CMKLR1: variants seen among roughly 807,000 people sequenced by gnomAD.
The protein encoded by CMKLR1 is chemerin chemokine-like receptor 1, also known as chemerin-like receptor 1.
Under a neutral mutation model 8.2 loss-of-function variants are expected in CMKLR1, and 6 were observed. The ratio of observed to expected loss-of-function variants is 0.73; its 90% CI spans 0.40 to 1.44. The LOEUF (loss-of-function observed/expected upper bound fraction) is 1.44, where lower values mean the gene tolerates loss of function less well. CMKLR1 is among the 40% of genes most tolerant of loss of function. CMKLR1 has a pLI of 0.02. For missense variants in CMKLR1, 429 were observed against 478.0 expected (o/e 0.90, Z 0.96); for synonymous variants, 178 against 181.2 (o/e 0.98, Z 0.14).
At chr12:108,337,256 A>G (rs553668489) in intron 1 of CMKLR1, among the ~76,000 whole-genome samples, 47 of 152,338 alleles carry the variant, frequency 3.1e-4, no homozygotes, top group African/African-American at 1.1e-3. Flanking sequence ...TCATGTGGCC[A>G]TGGTGAGGAT....
chr12:108,304,482 G>T (rs1891355701), intron 2 of CMKLR1, among the ~76,000 whole-genome samples: 1 of 152,096 alleles, frequency 6.6e-6, no homozygotes, highest in Non-Finnish European at 1.5e-5. Context: ...CTCCTTTTCT[G>T]CCCTGGTCTC....
At position 108,302,337 on chromosome 12, in the gene CMKLR1, T is replaced by C. The variant is rs142272469; in HGVS notation, c.-73-8673A>G. On this transcript the variant is annotated intron_variant, in intron 2 of 3. Coordinates refer to ENST00000550402, the MANE Select transcript of CMKLR1 (RefSeq NM_001142343.2). ...GGCTCCTGAGTGAATATCCAGGCAG[T>C]GCCCCACCTCCCTGCAAGGAAACAC... Among the ~76,000 whole-genome samples the C allele has an allele frequency of 7.9e-4, 121 of 152,340 alleles. 2 individuals are homozygous for C. The highest frequency in any genetic ancestry group is 6.1e-3 in the Admixed American group (93 of 15,308).
chr12:108,311,951 T>C (rs1356559769), intron 2 of CMKLR1, among the ~76,000 whole-genome samples: 1 of 152,218 alleles, frequency 6.6e-6, no homozygotes, highest in Non-Finnish European at 1.5e-5. Context: ...GCCTCTGCTC[T>C]TGCAGGTCCC....
At chr12:108,334,929 C>T (rs1892186684) in intron 1 of CMKLR1, among the ~76,000 whole-genome samples, 1 of 152,134 alleles carries the variant, frequency 6.6e-6, no homozygotes, top group Non-Finnish European at 1.5e-5. Flanking sequence ...TTCTTATTTC[C>T]TTTTTCCAGG....
At chr12:108,308,025 G>A (rs536390654) in intron 2 of CMKLR1, among the ~76,000 whole-genome samples, 4 of 152,336 alleles carry the variant, frequency 2.6e-5, no homozygotes, top group East Asian at 1.9e-4. Flanking sequence ...TGAAGTGACC[G>A]AGTGAGCACG....
chr12:108,333,140 GTT>G (rs916804927), intron 1 of CMKLR1, among the ~76,000 whole-genome samples: 6 of 152,116 alleles, frequency 3.9e-5, no homozygotes, highest in Admixed American at 6.5e-5. Context: ...GCTCACTGTT[GTT>G]TTTTGTACCC....
intron 2 of CMKLR1, among the ~76,000 whole-genome samples, chr12:108,327,610 T>C (rs1892008430): frequency 6.6e-6 from 1 of 152,124 alleles, no homozygotes. Flanking sequence ...ATCTGATGAG[T>C]GTCTGTGAAG....
chr12:108,330,928 G>A (rs374728604), intron 1 of CMKLR1, among the ~76,000 whole-genome samples: 8 of 152,112 alleles, frequency 5.3e-5, no homozygotes, highest in African/African-American at 1.9e-4. Flanking sequence ...CACAAGGCTG[G>A]CTGGGCAGCT....
chr12:108,305,326 A>G (rs899997870), intron 2 of CMKLR1, among the ~76,000 whole-genome samples: 2 of 152,192 alleles, frequency 1.3e-5, no homozygotes, highest in African/African-American at 4.8e-5. Context: ...GCCTTTAAGC[A>G]TCAGCTCGGG....
chr12:108,313,208 A>T (rs11113810), intron 2 of CMKLR1, among the ~76,000 whole-genome samples: 2 of 152,052 alleles, frequency 1.3e-5, no homozygotes, highest in Non-Finnish European at 2.9e-5. Context: ...CACCTCTCCC[A>T]AGGCAAAGCC....
intron 2 of CMKLR1, among the ~76,000 whole-genome samples, chr12:108,310,140 G>T (rs1891512397): frequency 6.6e-6 from 1 of 150,686 alleles, no homozygotes; most frequent in African/African-American, 2.5e-5. Flanking sequence ...AGGAACAGAG[G>T]CTTGAAAAAG....
intron 2 of CMKLR1, among the ~76,000 whole-genome samples, chr12:108,329,673 C>A (rs1892058967): frequency 1.3e-5 from 2 of 152,132 alleles, no homozygotes; most frequent in Non-Finnish European, 2.9e-5. Context: ...CCCAAGCAAC[C>A]AACATTAAAG....
chr12:108,294,129 T>C (rs1891064152), intron 2 of CMKLR1, among the ~76,000 whole-genome samples: 1 of 152,238 alleles, frequency 6.6e-6, no homozygotes, highest in Non-Finnish European at 1.5e-5. Context: ...TTATTCTTTC[T>C]TGTTATTTAG....
chr12:108,304,898 T>C (rs1282860351), intron 2 of CMKLR1, among the ~76,000 whole-genome samples: 1 of 152,224 alleles, frequency 6.6e-6, no homozygotes, highest in African/African-American at 2.4e-5. Flanking sequence ...GCAGGGGCTT[T>C]ATCAGGGCCT....
At chr12:108,331,481 C>A (rs567012292) in intron 1 of CMKLR1, among the ~76,000 whole-genome samples, 22 of 152,158 alleles carry the variant, frequency 1.4e-4, no homozygotes, top group Non-Finnish European at 2.8e-4. Context: ...CTCCCAATAT[C>A]TAAATTCGAA....
chr12:108,329,818 C>T (rs1892063153), intron 2 of CMKLR1, among the ~76,000 whole-genome samples, 177 bp downstream of exon 2: 1 of 152,266 alleles, frequency 6.6e-6, no homozygotes, highest in African/African-American at 2.4e-5. Context: ...AACAGAGGCT[C>T]CTTTAAACAA....
At position 108,288,809 on chromosome 12, in the gene CMKLR1, TC is replaced by T. The variant is rs1056865146; in HGVS notation, c.*3031del. 5 of 152,380 alleles carry T rather than the reference TC, an allele frequency of 3.3e-5. No homozygotes were observed. Among genetic ancestry groups the T allele is most frequent in the African/African-American group, 1.2e-4 (5 of 41,424 alleles). 9.4% of individuals were successfully genotyped at this position (152,380 alleles called of 1,614,324 possible). ...TCTTTCTTCCTTGTCTTTTCCTTCT[TC>T]TTCTCCCCACCCTCTCCTTCCAAGG... On this transcript the variant is annotated 3_prime_UTR_variant, in exon 4 of 4. Transcript: ENST00000550402.
At chr12:108,306,449 C>T (rs900775751) in intron 2 of CMKLR1, among the ~76,000 whole-genome samples, 1 of 152,110 alleles carries the variant, frequency 6.6e-6, no homozygotes, top group Non-Finnish European at 1.5e-5. Context: ...ACCAGACTCT[C>T]CACACTTTCC....
intron 2 of CMKLR1, among the ~76,000 whole-genome samples, chr12:108,297,609 GA>G (rs1891170240): frequency 6.6e-6 from 1 of 152,206 alleles, no homozygotes; most frequent in African/African-American, 2.4e-5. Flanking sequence ...TTGCAGATGA[GA>G]AAACTGAGGT....
Sources: gnomAD v4.1 joint callset for allele counts (sites outside exome capture counted in the v4.1 genomes callset) on GRCh38, gnomAD v4.1.1 for gene constraint, MANE v1.5 for transcripts, NCBI Gene and HGNC (gene_info 2026-07-23, HGNC 2026-07-21) for gene names.